The following WDHD1 variants were observed in gnomAD, a reference collection of about 807,000 sequenced individuals.
WDHD1 encodes the protein WD repeat and HMG-box DNA-binding protein 1.
WDHD1 carries 111 observed loss-of-function variants against 135.4 expected under a neutral mutation model. The ratio of observed to expected loss-of-function variants is 0.82; its 90% confidence interval spans 0.70 to 0.96. WDHD1 has a LOEUF of 0.96. Among genes scored for constraint, WDHD1 ranks in the 40% least tolerant of loss-of-function variants. The probability of loss-of-function intolerance (pLI) is 0.00; values close to 1 mark genes in which losing one functional copy is unlikely to be tolerated. For synonymous variants in WDHD1, 434 were observed against 439.0 expected, an observed-to-expected ratio of 0.99 and a Z score of 0.14; for missense variants, 1,351 against 1,336.3, an observed-to-expected ratio of 1.01 and a Z score of -0.17.
intron 16 of WDHD1, among the ~76,000 whole-genome samples, chr14:54,979,416 A>G (rs982900623): frequency 2.6e-5 from 4 of 152,196 alleles, no homozygotes; most frequent in African/African-American, 9.7e-5. Flanking sequence ...TTGGGCTCCC[A>G]AAGTGTTGGG....
Position 55,010,322 on chromosome 14 carries a change from C to A in WDHD1, c.328G>T (p.Ala110Ser). 6.3e-7 allele frequency: 1 copy of A among 1,599,412 alleles called. No individual in the cohort carries two copies. Among genetic ancestry groups the A allele is most frequent in the South Asian group, 1.1e-5 (1 of 87,656 alleles). Residue 110 changes from alanine to serine, a missense_variant, in exon 4 of 26, where the codon GCT (alanine) becomes TCT (serine). Ala to Ser is a moderately conservative substitution (Grantham distance 99, BLOSUM62 1). Transcript: ENST00000360586. Reference protein sequence around the residue: ...VVFNGDGTKIAAGSSDFLVKI... With the variant: ...VVFNGDGTKISAGSSDFLVKI... ...AAAGAGCCTTACCTAGATCCAGCAG[C>A]AATTTTAGTACCATCCCCATTAAAG... is the stretch of plus-strand genomic sequence containing the variant.
intron 7 of WDHD1, among the ~76,000 whole-genome samples, chr14:55,007,076 A>C (rs1321247607): frequency 6.6e-6 from 1 of 151,868 alleles, no homozygotes; most frequent in East Asian, 1.9e-4. Context: ...AAAATACAAA[A>C]AATTAGCTGG....
At chr14:54,942,818 A>G (rs1004710868) in intron 25 of WDHD1, among the ~76,000 whole-genome samples, 1 of 152,226 alleles carries the variant, frequency 6.6e-6, no homozygotes, top group African/African-American at 2.4e-5. Flanking sequence ...GGATTTAAGT[A>G]AATGTTTAGG....
Position 54,945,495 on chromosome 14 carries a change from G to T in WDHD1, c.3051-1025C>A, listed in dbSNP as rs569719653. On this transcript the variant is annotated intron_variant, in intron 24 of 25. Transcript: ENST00000360586. ...TAACCTATCCCAGGTTACACAAACA[G>T]TAAAACTCAGACCTGGGATCCAACA... Among the ~76,000 whole-genome samples, 15 of 152,260 alleles carry T rather than the reference G, an allele frequency of 9.9e-5. No individual in the cohort carries two copies. In the South Asian group the frequency reaches 2.9e-3, roughly 29 times the overall value.
At chr14:55,021,168 C>T (rs895454221) in intron 2 of WDHD1, among the ~76,000 whole-genome samples, 18 of 152,186 alleles carry the variant, frequency 1.2e-4, no homozygotes, top group Admixed American at 5.2e-4. Flanking sequence ...AGTACCAATC[C>T]TTCTTCCACC....
chr14:54,944,420 A>C lies in WDHD1; in HGVS notation c.3101T>G (p.Leu1034Trp). Residue 1034 changes from leucine (L) to tryptophan (W), a missense_variant, in exon 25 of 26, where the codon TTG (leucine) becomes TGG (tryptophan). By Grantham distance (61) the Leu-to-Trp change is moderately conservative. Transcript: ENST00000360586. ...ATCTGAAAAGTCAGGATTGTCAGACAAAATATTACTTCTATTTTCTTCTAA... is the reference window on the plus strand; with the variant it reads ...ATCTGAAAAGTCAGGATTGTCAGACCAAATATTACTTCTATTTTCTTCTAA... ...MWLEENRSNI[L>W]SDNPDFSDEA... 1 of 1,607,892 alleles carries C rather than the reference A, an allele frequency of 6.2e-7. No homozygotes were observed. Among genetic ancestry groups the C allele is most frequent in the Non-Finnish European group, 8.5e-7 (1 of 1,178,908 alleles).
chr14:54,972,608 C>A (rs2041459363), intron 16 of WDHD1, among the ~76,000 whole-genome samples: 2 of 123,706 alleles, frequency 1.6e-5, no homozygotes, highest in African/African-American at 2.9e-5. Context: ...GAGGCATATT[C>A]ACTTTCATCC....
At chr14:55,004,193 A>T (rs2042025683) in intron 7 of WDHD1, among the ~76,000 whole-genome samples, 1 of 151,998 alleles carries the variant, frequency 6.6e-6, no homozygotes, top group African/African-American at 2.4e-5. Flanking sequence ...AAAGATTCCC[A>T]CTCCACTTCC....
rs760112437 is a variant in WDHD1 at position 54,955,589 on chromosome 14, A to T, written c.3022T>A (p.Cys1008Ser). The change falls in exon 24 of 26, where the codon TGT becomes AGT. Residue 1008 changes from cysteine to serine, a missense_variant. Coordinates refer to ENST00000360586, the MANE Select transcript of WDHD1 (RefSeq NM_007086.4). ...TGGTTTTCAGTGTTTTGAGGAGGAC[A>T]TATAGCTGGGGTTTCAGATAATACA... ...KNVLSETPAI[C>S]PPQNTENQRP... is the part of the protein sequence containing the mutation. 10 of 1,591,330 alleles carry T rather than the reference A, an allele frequency of 6.3e-6. No homozygotes were observed. Among genetic ancestry groups the T allele is most frequent in the African/African-American group, 1.4e-5 (1 of 73,220 alleles).
At chr14:54,948,137 C>T (rs573057106) in intron 24 of WDHD1, among the ~76,000 whole-genome samples, 11 of 152,114 alleles carry the variant, frequency 7.2e-5, no homozygotes, top group East Asian at 2.0e-4. Flanking sequence ...ATGCAGAAGA[C>T]GGGTGATTTC....
At chr14:54,970,543 T>C (rs988814879) in intron 16 of WDHD1, among the ~76,000 whole-genome samples, 36 of 150,894 alleles carry the variant, frequency 2.4e-4, no homozygotes, top group East Asian at 1.9e-4. Flanking sequence ...TCCACACTCA[T>C]GGATTAGAAG....
chr14:55,005,484 C>A, intron 7 of WDHD1: 1 of 564,380 alleles, frequency 1.8e-6, no homozygotes. Flanking sequence ...AAAGAGTTTT[C>A]AACAGCAACA....
chr14:54,962,484 T>C lies in WDHD1; in HGVS notation c.2701+14A>G. 1.2e-6 allele frequency: 2 copies of C among 1,600,614 alleles called. No homozygotes were observed. Among genetic ancestry groups the C allele is most frequent in the South Asian group, 1.1e-5 (1 of 90,050 alleles). The stretch of plus-strand genomic sequence containing the variant: ...AAATTTCCTTGATATTACAAATTTA[T>C]AAATATTTCTCACCTGACTTAGCTG... On this transcript the variant is annotated intron_variant, in intron 21 of 25. Coordinates refer to ENST00000360586, the MANE Select transcript of WDHD1 (RefSeq NM_007086.4).
At chr14:55,001,026 T>C (rs747435948) in intron 8 of WDHD1, 34 bp from the exon 9 acceptor site, 1 of 1,371,110 alleles carries the variant, frequency 7.3e-7, no homozygotes, top group Non-Finnish European at 9.8e-7. Context: ...ATAATGATTT[T>C]GTAAAATTTC....
intron 25 of WDHD1, 143 bp downstream of exon 25, chr14:54,944,189 T>C: frequency 2.2e-6 from 2 of 923,020 alleles, no homozygotes. Context: ...CACGAACTCC[T>C]GAGCTCAAGT....
intron 11 of WDHD1, among the ~76,000 whole-genome samples, chr14:54,991,771 ATTGT>A (rs1373489866): frequency 6.6e-6 from 1 of 152,194 alleles, no homozygotes; most frequent in Non-Finnish European, 1.5e-5. Flanking sequence ...CACTTATGCA[ATTGT>A]TTGAGTTGTA....
At chr14:54,980,966 CCAGG>C (rs2041609340) in intron 16 of WDHD1, among the ~76,000 whole-genome samples, 1 of 151,638 alleles carries the variant, frequency 6.6e-6, no homozygotes, top group Admixed American at 6.6e-5. Flanking sequence ...AAAAAATCAG[CCAGG>C]CGTGATGGTG....
chr14:54,941,737 C>G (rs780136618), intron 25 of WDHD1, 47 bp from the exon 26 acceptor site: 2 of 1,490,440 alleles, frequency 1.3e-6, no homozygotes, highest in East Asian at 4.6e-5. Flanking sequence ...TAGAAAATAA[C>G]AAATAAGAAG....
At chr14:54,950,590 C>T (rs1013554159) in intron 24 of WDHD1, among the ~76,000 whole-genome samples, 6 of 152,064 alleles carry the variant, frequency 3.9e-5, no homozygotes, top group African/African-American at 9.7e-5. Context: ...GACAGATCAA[C>T]GAGACAAAGT....
Sources: allele counts gnomAD v4.1 joint callset (sites outside exome capture counted in the v4.1 genomes callset), GRCh38; gene constraint gnomAD v4.1.1; transcripts MANE v1.5; gene names NCBI Gene and HGNC (gene_info 2026-07-23, HGNC 2026-07-21).